Variants in NSMAF observed in about 807,000 individuals in gnomAD.
The protein encoded by NSMAF is neutral sphingomyelinase activation associated factor.
A neutral mutation model predicts 134.9 loss-of-function variants in NSMAF; 90 were observed. The ratio of observed to expected loss-of-function variants is 0.67; its 90% CI spans 0.56 to 0.79. NSMAF has a LOEUF of 0.79. Ranked by LOEUF, NSMAF falls within the 30% of genes least tolerant of loss-of-function variation. NSMAF has a pLI of 0.00. For synonymous variants in NSMAF, 358 were observed against 389.6 expected, an observed-to-expected ratio of 0.92 and a Z score of 0.96; for missense variants, 1,010 against 1,119.0, an observed-to-expected ratio of 0.90 and a Z score of 1.39.
chr8:58,618,198 A>T (rs1485293035), intron 9 of NSMAF, among the ~76,000 whole-genome samples: 1 of 152,078 alleles, frequency 6.6e-6, no homozygotes, highest in African/African-American at 2.4e-5. Flanking sequence ...CATTAGGAGA[A>T]ATATCTAATG....
intron 1 of NSMAF, chr8:58,659,089 T>C: frequency 1.3e-5 from 7 of 545,768 alleles, no homozygotes; most frequent in African/African-American, 2.1e-5. Context: ...GTCGCCGGCC[T>C]GCTCGGTGCC....
At chr8:58,635,157 A>C (rs759180365) in intron 5 of NSMAF, 32 bp downstream of exon 5, 17 of 1,543,466 alleles carry the variant, frequency 1.1e-5, no homozygotes, top group Non-Finnish European at 1.5e-5. Flanking sequence ...ATGTTCATTC[A>C]GATTAGGAAA....
Position 58,648,230 on chromosome 8 carries a change from G to A in NSMAF, c.60-5157C>T, listed in dbSNP as rs369806217. Among the ~76,000 whole-genome samples, 18 of 152,260 alleles carry A rather than the reference G, an allele frequency of 1.2e-4. No homozygotes were observed. The East Asian group carries it at 1.4e-3, about 11-fold the overall frequency. ...TAAGGACTTAGGTAGGGTATGTGGCGGAAGAAATTTCTAAGCAGCAAAGGG... is the reference window on the plus strand; with the variant it reads ...TAAGGACTTAGGTAGGGTATGTGGCAGAAGAAATTTCTAAGCAGCAAAGGG... On this transcript the variant is annotated intron_variant, in intron 1 of 30. Transcript: ENST00000038176.
intron 9 of NSMAF, among the ~76,000 whole-genome samples, chr8:58,615,026 C>T (rs1806626477): frequency 6.6e-6 from 1 of 152,016 alleles, no homozygotes. Flanking sequence ...GCAATCACAA[C>T]ACATAAGAAA....
intron 6 of NSMAF, among the ~76,000 whole-genome samples, chr8:58,628,059 C>G (rs2129145106): frequency 6.6e-6 from 1 of 152,256 alleles, no homozygotes; most frequent in Non-Finnish European, 1.5e-5. Flanking sequence ...TGGAACAGAA[C>G]AGACAACCCA....
At chr8:58,655,895 A>C (rs74411351) in intron 1 of NSMAF, among the ~76,000 whole-genome samples, 5,387 of 150,688 alleles carry the variant, frequency 0.036, 307 homozygotes, top group East Asian at 0.25. Flanking sequence ...CGAGAGTGAG[A>C]CTCCGTCTCA....
chr8:58,601,110 C>T, intron 16 of NSMAF, 175 bp downstream of exon 16: 1 of 513,100 alleles, frequency 1.9e-6, no homozygotes, highest in Non-Finnish European at 3.4e-6. Flanking sequence ...AATATGTTCT[C>T]ACATTTACAC....
chr8:58,628,758 GTCCTTATCTC>G (rs1367795739), intron 6 of NSMAF, among the ~76,000 whole-genome samples: 1 of 152,110 alleles, frequency 6.6e-6, no homozygotes, highest in Non-Finnish European at 1.5e-5. Flanking sequence ...ATCTGGGAAA[GTCCTTATCTC>G]TCCATTTTTT....
chr8:58,637,323 T>C (rs1807198913), intron 2 of NSMAF: 1 of 456,092 alleles, frequency 2.2e-6, no homozygotes, highest in African/African-American at 2.0e-5. Context: ...ACCCCCATCC[T>C]TTCAGTGGGA....
At chr8:58,635,252 T>C in intron 4 of NSMAF, 27 bp from the exon 5 acceptor site, 1 of 1,608,806 alleles carries the variant, frequency 6.2e-7, no homozygotes, top group Non-Finnish European at 8.5e-7. Context: ...AGTCATTAAA[T>C]ATATACAGCT....
intron 2 of NSMAF, chr8:58,640,110 T>C (rs550919198): frequency 8.8e-5 from 40 of 455,392 alleles, no homozygotes; most frequent in Non-Finnish European, 1.8e-4. Flanking sequence ...GTTCTGCAGA[T>C]TTAATGTAGA....
chr8:58,653,793 T>C (rs1264788616), intron 1 of NSMAF, among the ~76,000 whole-genome samples: 1 of 152,190 alleles, frequency 6.6e-6, no homozygotes, highest in African/African-American at 2.4e-5. Context: ...TAAATGACCA[T>C]TCCTATTTTA....
chr8:58,621,042 G>T (rs1806777759), intron 9 of NSMAF, among the ~76,000 whole-genome samples: 1 of 151,972 alleles, frequency 6.6e-6, no homozygotes, highest in Non-Finnish European at 1.5e-5. Flanking sequence ...AGATTATTTT[G>T]TCACCCAGGT....
At chr8:58,599,664 A>T in intron 18 of NSMAF, 86 bp downstream of exon 18, 1 of 1,446,604 alleles carries the variant, frequency 6.9e-7, no homozygotes, top group East Asian at 2.3e-5. Flanking sequence ...TGTGATTTTT[A>T]AAAATCTAAG....
At chr8:58,592,927 A>C (rs1057339650) in intron 23 of NSMAF, among the ~76,000 whole-genome samples, 7 of 150,246 alleles carry the variant, frequency 4.7e-5, no homozygotes, top group African/African-American at 9.9e-5. Flanking sequence ...CAAAAAAAAA[A>C]CCTCTCTCTC....
chr8:58,648,694 C>T (rs1033302197), intron 1 of NSMAF, among the ~76,000 whole-genome samples: 1 of 152,218 alleles, frequency 6.6e-6, no homozygotes, highest in East Asian at 1.9e-4. Context: ...CAAAGGCCCA[C>T]AAGTACAGCT....
chr8:58,586,064 GATTTT>G (rs1023397933), intron 28 of NSMAF, 64 bp from the exon 29 acceptor site: 180 of 1,295,268 alleles, frequency 1.4e-4, no homozygotes, highest in Non-Finnish European at 1.8e-4. Context: ...CATTATTCTG[GATTTT>G]ATTTCTGAGT....
intron 6 of NSMAF, among the ~76,000 whole-genome samples, chr8:58,627,798 G>A (rs996020259): frequency 8.5e-5 from 13 of 152,048 alleles, no homozygotes; most frequent in African/African-American, 2.7e-4. Flanking sequence ...CCTAAAGCAA[G>A]CTACAGATTC....
At chr8:58,584,341 A>G in intron 30 of NSMAF, 141 bp from the exon 31 acceptor site, 1 of 635,592 alleles carries the variant, frequency 1.6e-6, no homozygotes, top group East Asian at 2.7e-5. Context: ...TCTGCTTCCT[A>G]TAATAAAACC....
Sources: gnomAD v4.1 joint callset for allele counts (sites outside exome capture counted in the v4.1 genomes callset) on GRCh38, gnomAD v4.1.1 for gene constraint, MANE v1.5 for transcripts, NCBI Gene and HGNC (gene_info 2026-07-23, HGNC 2026-07-21) for gene names.